DAGLB: variants seen among roughly 807,000 people sequenced by gnomAD.
DAGLB encodes diacylglycerol lipase-beta.
DAGLB carries 66 observed loss-of-function variants against 72.1 expected under a neutral mutation model. The observed-to-expected ratio is 0.92, with a 90% CI of 0.75 to 1.12. The LOEUF is 1.12. Ranked by LOEUF, DAGLB falls within the 50% of genes most tolerant of loss-of-function variation. The probability of loss-of-function intolerance (pLI) is 0.00; values close to 1 mark genes in which losing one functional copy is unlikely to be tolerated. For synonymous variants in DAGLB, 414 were observed against 359.5 expected, an observed-to-expected ratio of 1.15 and a Z score of -1.71; for missense variants, 1,065 against 884.9, an observed-to-expected ratio of 1.20 and a Z score of -2.58.
intron 8 of DAGLB, among the ~76,000 whole-genome samples, chr7:6,424,523 C>G (rs944302448): frequency 6.6e-6 from 1 of 152,034 alleles, no homozygotes; most frequent in Non-Finnish European, 1.5e-5. Context: ...GGCGGGGGGG[C>G]CAACCTGCTG....
intron 6 of DAGLB, 138 bp downstream of exon 6, chr7:6,430,342 T>C (rs972761276): frequency 5.9e-6 from 6 of 1,013,182 alleles, no homozygotes; most frequent in Non-Finnish European, 5.0e-6. Flanking sequence ...TGTGACCAGA[T>C]GAGTCACAGC....
chr7:6,420,323 C>A (rs1251113119), intron 9 of DAGLB, among the ~76,000 whole-genome samples: 1 of 151,716 alleles, frequency 6.6e-6, no homozygotes, highest in Non-Finnish European at 1.5e-5. Flanking sequence ...GCCTGTAGTC[C>A]CAGTTACTTG....
chr7:6,420,911 G>A (rs1004564074), intron 9 of DAGLB, among the ~76,000 whole-genome samples: 13 of 152,200 alleles, frequency 8.5e-5, no homozygotes, highest in East Asian at 3.9e-4. Context: ...CCGGCAGAGC[G>A]CCCGTGGGGT....
intron 2 of DAGLB, among the ~76,000 whole-genome samples, chr7:6,441,446 C>G (rs991619208): frequency 2.2e-5 from 3 of 138,014 alleles, no homozygotes; most frequent in Non-Finnish European, 4.6e-5. Flanking sequence ...GAGACAGAGT[C>G]TCACTCTGTC....
chr7:6,416,717 C>T lies in DAGLB; in HGVS notation c.1337G>A (p.Gly446Asp), dbSNP rs747489985. 33 of 1,613,206 alleles carry T rather than the reference C, an allele frequency of 2.0e-5. No individual in the cohort carries two copies. The highest frequency in any genetic ancestry group is 2.8e-5 in the Non-Finnish European group (33 of 1,179,520). Residue 446 changes from glycine to aspartate, a missense_variant, in exon 11 of 15, where the codon GGC (glycine) becomes GAC (aspartate). Gly to Asp is a moderately conservative substitution (Grantham distance 94). Coordinates refer to ENST00000297056, the MANE Select transcript of DAGLB (RefSeq NM_139179.4). ...GGTGGCCAGCAGGGCGGCCGCCCCG[C>T]CCCCGAGGCTGTGGCCCACTATGAC... ...RLVIVGHSLG[G>D]GAAALLATML...
chr7:6,428,328 AAAAAAAAG>A (rs1358343761), intron 6 of DAGLB, among the ~76,000 whole-genome samples: 6 of 150,558 alleles, frequency 4.0e-5, no homozygotes, highest in Non-Finnish European at 7.4e-5. Flanking sequence ...AAAAAAAAAA[AAAAAAAAG>A]AAAGAAAGAA....
intron 2 of DAGLB, among the ~76,000 whole-genome samples, chr7:6,443,249 TAAAAAAAA>T (rs60124255): frequency 5.1e-5 from 4 of 78,158 alleles, no homozygotes; most frequent in African/African-American, 1.3e-4. Flanking sequence ...TTGTCTCTAC[TAAAAAAAA>T]AAAAAAAAAA....
At chr7:6,426,368 C>G (rs959402095) in intron 6 of DAGLB, among the ~76,000 whole-genome samples, 1 of 152,250 alleles carries the variant, frequency 6.6e-6, no homozygotes, top group African/African-American at 2.4e-5. Context: ...CTCCCAGGTT[C>G]AGGCGATTCC....
intron 5 of DAGLB, among the ~76,000 whole-genome samples, 196 bp downstream of exon 5, chr7:6,432,641 C>CA (rs1332272911): frequency 2.5e-5 from 3 of 119,670 alleles, no homozygotes; most frequent in African/African-American, 9.8e-5. Flanking sequence ...GCCTGGGCGA[C>CA]AGAGCGAGAC....
At chr7:6,424,039 G>C (rs1784221689) in intron 8 of DAGLB, among the ~76,000 whole-genome samples, 2 of 151,154 alleles carry the variant, frequency 1.3e-5, no homozygotes, top group Admixed American at 1.3e-4. Flanking sequence ...ACTTAGGGGG[G>C]CTACCCCAGA....
chr7:6,442,201 T>TA (rs1784857383), intron 2 of DAGLB, among the ~76,000 whole-genome samples: 1 of 152,140 alleles, frequency 6.6e-6, no homozygotes, highest in Non-Finnish European at 1.5e-5. Context: ...CTCTGACGCA[T>TA]ACTTGGTATG....
intron 7 of DAGLB, among the ~76,000 whole-genome samples, chr7:6,425,724 A>G (rs1784289414): frequency 6.6e-6 from 1 of 152,212 alleles, no homozygotes; most frequent in Non-Finnish European, 1.5e-5. Context: ...TTCACTCCTC[A>G]ACAGAAGGGC....
intron 7 of DAGLB, among the ~76,000 whole-genome samples, chr7:6,425,074 C>A (rs1036214056): frequency 6.6e-5 from 10 of 152,340 alleles, no homozygotes; most frequent in African/African-American, 2.4e-4. Context: ...TCTCTCTGAC[C>A]TCCCCAGAGA....
chr7:6,424,888 C>T, intron 7 of DAGLB, 53 bp from the exon 8 acceptor site: 1 of 1,582,184 alleles, frequency 6.3e-7, no homozygotes, highest in Non-Finnish European at 8.7e-7. Flanking sequence ...CACGCACCAG[C>T]ACGCAAAGTC....
chr7:6,445,151 A>T (rs1784957416), intron 2 of DAGLB, among the ~76,000 whole-genome samples: 1 of 152,234 alleles, frequency 6.6e-6, no homozygotes, highest in Non-Finnish European at 1.5e-5. Flanking sequence ...AGAAATGAAA[A>T]CATGTCTGTA....
At chr7:6,424,644 T>G in intron 8 of DAGLB, 108 bp downstream of exon 8, 1 of 1,051,780 alleles carries the variant, frequency 9.5e-7, no homozygotes, top group Admixed American at 1.9e-5. Flanking sequence ...TCCTCACCAT[T>G]TTCCCCTGTG....
chr7:6,417,092 A>T, intron 9 of DAGLB, 171 bp from the exon 10 acceptor site: 1 of 706,410 alleles, frequency 1.4e-6, no homozygotes, highest in Non-Finnish European at 2.3e-6. Flanking sequence ...GGCACCTTGC[A>T]CAGCGCCTGA....
chr7:6,424,959 C>T (rs924210687), intron 7 of DAGLB, 124 bp from the exon 8 acceptor site: 9 of 865,846 alleles, frequency 1.0e-5, no homozygotes, highest in East Asian at 5.2e-5. Flanking sequence ...GAGGGGACAC[C>T]GCCTCTCCAC....
chr7:6,439,301 A>T (rs1412989401), intron 2 of DAGLB, among the ~76,000 whole-genome samples: 1 of 151,730 alleles, frequency 6.6e-6, no homozygotes, highest in Non-Finnish European at 1.5e-5. Context: ...TTTCCCTTTT[A>T]TTTTTCCTTA....
Sources: gnomAD v4.1 joint callset for allele counts (sites outside exome capture counted in the v4.1 genomes callset) on GRCh38, gnomAD v4.1.1 for gene constraint, MANE v1.5 for transcripts, NCBI Gene and HGNC (gene_info 2026-07-23, HGNC 2026-07-21) for gene names.